ROBO2: variants seen among roughly 807,000 people sequenced by gnomAD.
The protein encoded by ROBO2 is roundabout homolog 2.
ROBO2 carries 53 observed loss-of-function variants against 160.8 expected under a neutral mutation model. That is an observed-to-expected ratio of 0.33 (90% CI 0.26 to 0.41). The LOEUF (loss-of-function observed/expected upper bound fraction) is 0.41. ROBO2 is among the 10% of genes least tolerant of loss of function. The pLI is 1.00. For missense variants in ROBO2, 1,577 were observed against 1,722.4 expected (o/e 0.92, Z 1.49); for synonymous variants, 664 against 611.7 (o/e 1.09, Z -1.26).
chr3:76,678,791 C>T (rs2106867047), intron 2 of ROBO2, among the ~76,000 whole-genome samples: 1 of 152,152 alleles, frequency 6.6e-6, no homozygotes, highest in East Asian at 1.9e-4. Flanking sequence ...TGCTCAATTT[C>T]TCTGTGCATT....
At chr3:77,241,501 A>G (rs1305402811) in intron 2 of ROBO2, among the ~76,000 whole-genome samples, 1 of 152,234 alleles carries the variant, frequency 6.6e-6, no homozygotes, top group Non-Finnish European at 1.5e-5. Context: ...CTCCTTAATG[A>G]TAACACTATT....
At chr3:76,074,257 A>G (rs1041700238) in intron 2 of ROBO2, among the ~76,000 whole-genome samples, 5 of 152,212 alleles carry the variant, frequency 3.3e-5, no homozygotes, top group African/African-American at 9.7e-5. Flanking sequence ...TTCACGCTTC[A>G]GTTTCAGCAG....
chr3:76,910,728 AAAAAAAAAAAAAAAAAG>A (rs1195405535), intron 2 of ROBO2, among the ~76,000 whole-genome samples: 2 of 132,048 alleles, frequency 1.5e-5, no homozygotes, highest in Non-Finnish European at 3.1e-5. Flanking sequence ...TCTGTCTCAA[AAAAAAAAAAAAAAAAAG>A]AAAAAAAAAG....
chr3:77,218,762 A>T (rs932193503), intron 2 of ROBO2, among the ~76,000 whole-genome samples: 1 of 152,158 alleles, frequency 6.6e-6, no homozygotes, highest in Non-Finnish European at 1.5e-5. Flanking sequence ...TCGTAGTGAC[A>T]CATTTATTTG....
In ROBO2 at chr3:77,108,496, T is replaced by A. The variant is rs2073157440; in HGVS notation, c.388+10156T>A. On this transcript the variant is annotated intron_variant, in intron 2 of 25. Coordinates refer to ENST00000461745, the Ensembl canonical transcript of ROBO2. ...GGGCCAGAGAATACTTTCTCTTAAA[T>A]CAATGTTTAAACATCTTTGTTGGGT... is the stretch of plus-strand genomic sequence containing the variant. Among the ~76,000 whole-genome samples, 4 of 152,080 alleles carry A rather than the reference T, an allele frequency of 2.6e-5. No homozygotes were observed. The South Asian group carries it at 8.3e-4, about 31-fold the overall frequency.
At chr3:77,397,159 C>A (rs1434462133) in intron 2 of ROBO2, among the ~76,000 whole-genome samples, 1 of 151,882 alleles carries the variant, frequency 6.6e-6, no homozygotes, top group Non-Finnish European at 1.5e-5. Context: ...GCTCTCTCAC[C>A]CAAAAGAAAG....
intron 2 of ROBO2, among the ~76,000 whole-genome samples, chr3:76,042,812 C>T (rs897476171): frequency 3.9e-5 from 6 of 152,058 alleles, no homozygotes; most frequent in African/African-American, 1.2e-4. Context: ...CTCTGACCAC[C>T]GGTGCATGCA....
chr3:77,106,365 A>G (rs1431533903), intron 2 of ROBO2, among the ~76,000 whole-genome samples: 1 of 152,166 alleles, frequency 6.6e-6, no homozygotes, highest in Non-Finnish European at 1.5e-5. Flanking sequence ...TTTTTAATTT[A>G]TTAAATTTCA....
chr3:76,635,419 G>A (rs575054779), intron 2 of ROBO2, among the ~76,000 whole-genome samples: 1 of 152,222 alleles, frequency 6.6e-6, no homozygotes, highest in South Asian at 2.1e-4. Flanking sequence ...ATATACTCTG[G>A]TCTATCCAGT....
intron 2 of ROBO2, among the ~76,000 whole-genome samples, chr3:77,150,044 C>CAGAT (rs1279219248): frequency 6.6e-6 from 1 of 151,982 alleles, no homozygotes; most frequent in Non-Finnish European, 1.5e-5. Flanking sequence ...TCCTTTTCTG[C>CAGAT]AGATACATGA....
At chr3:77,078,439 A>G (rs1229276280) in intron 1 of ROBO2, among the ~76,000 whole-genome samples, 5 of 152,108 alleles carry the variant, frequency 3.3e-5, no homozygotes, top group African/African-American at 7.2e-5. Context: ...GGAGTTAGCA[A>G]TTTGCCCACA....
chr3:77,178,428 T>A (rs2080367470), intron 2 of ROBO2, among the ~76,000 whole-genome samples: 1 of 152,038 alleles, frequency 6.6e-6, no homozygotes, highest in East Asian at 1.9e-4. Context: ...GTGTGTTTGC[T>A]CTCAACTCAT....
intron 2 of ROBO2, among the ~76,000 whole-genome samples, chr3:76,128,893 A>G (rs1431754361): frequency 2.0e-5 from 3 of 152,200 alleles, no homozygotes; most frequent in Middle Eastern, 6.8e-3. Context: ...TGAGAATTAT[A>G]CTTGTGACTC....
At chr3:77,127,325 C>G (rs1479162020) in intron 2 of ROBO2, among the ~76,000 whole-genome samples, 1 of 152,076 alleles carries the variant, frequency 6.6e-6, no homozygotes, top group Non-Finnish European at 1.5e-5. Context: ...GTTGTCCTTG[C>G]CTCTCTCCTG....
chr3:77,458,831 A>G (rs1273596940), intron 2 of ROBO2, among the ~76,000 whole-genome samples: 10 of 152,178 alleles, frequency 6.6e-5, no homozygotes, highest in Non-Finnish European at 4.4e-5. Context: ...TATGCCTGTT[A>G]TATCTTATTT....
intron 1 of ROBO2, among the ~76,000 whole-genome samples, chr3:77,059,907 C>T (rs1019221831): frequency 6.6e-6 from 1 of 152,076 alleles, no homozygotes; most frequent in Non-Finnish European, 1.5e-5. Context: ...TGCACACATA[C>T]ATTTGAGACC....
intron 2 of ROBO2, among the ~76,000 whole-genome samples, chr3:76,148,973 T>C (rs1372454478): frequency 6.6e-6 from 1 of 152,106 alleles, no homozygotes; most frequent in Non-Finnish European, 1.5e-5. Context: ...TATTTATCTC[T>C]CTCAGTCCTG....
At chr3:75,947,316 T>C (rs1948346384) in intron 2 of ROBO2, among the ~76,000 whole-genome samples, 1 of 152,160 alleles carries the variant, frequency 6.6e-6, no homozygotes, top group Non-Finnish European at 1.5e-5. Context: ...TCATAGCCTA[T>C]ACATCATGCC....
chr3:77,003,390 G>C (rs1379930495), intron 2 of ROBO2, among the ~76,000 whole-genome samples: 1 of 152,186 alleles, frequency 6.6e-6, no homozygotes, highest in African/African-American at 2.4e-5. Flanking sequence ...AAAGAAGATA[G>C]TACATATAAA....
Sources: gnomAD v4.1 joint callset for allele counts (sites outside exome capture counted in the v4.1 genomes callset) on GRCh38, gnomAD v4.1.1 for gene constraint, MANE v1.5 for transcripts, NCBI Gene and HGNC (gene_info 2026-07-23, HGNC 2026-07-21) for gene names.